The following WAC variants were observed in gnomAD, a reference collection of about 807,000 sequenced individuals.
The protein encoded by WAC is WW domain containing adaptor with coiled-coil, also known as WW domain-containing adapter protein with coiled-coil.
A neutral mutation model predicts 79.6 loss-of-function variants in WAC; 11 were observed. That is an observed-to-expected ratio of 0.14 (90% CI 0.09 to 0.23). The LOEUF (loss-of-function observed/expected upper bound fraction) is 0.23. Among genes scored for constraint, WAC ranks in the 10% least tolerant of loss-of-function variants. The pLI is 1.00. For synonymous variants in WAC, 304 were observed against 276.9 expected, an observed-to-expected ratio of 1.10 and a Z score of -0.97; for missense variants, 728 against 773.5, an observed-to-expected ratio of 0.94 and a Z score of 0.70.
chr10:28,605,699 T>G (rs953301252), intron 7 of WAC, among the ~76,000 whole-genome samples: 1 of 152,192 alleles, frequency 6.6e-6, no homozygotes, highest in Admixed American at 6.5e-5. Context: ...CTTGGCTTGA[T>G]GAGCAACACT....
rs747241040 is a variant in WAC, at chr10:28,583,462, ATTC to A, written c.343_345del (p.Ser115del). 5.0e-6 allele frequency: 8 copies of A among 1,599,340 alleles called. No homozygotes were observed. The highest frequency in any genetic ancestry group is 6.8e-6 in the Non-Finnish European group (8 of 1,174,102). On this transcript the variant is annotated inframe_deletion, in exon 4 of 14. Coordinates refer to ENST00000354911, the MANE Select transcript of WAC (RefSeq NM_016628.5). ...AGTGCTCTTCATAGTTCAAATTCAC[ATTC>A]TTCTAATCCAAGCAATAACCCAAGC... is the stretch of plus-strand genomic sequence containing the variant.
At chr10:28,534,773 T>A (rs1003204493) in intron 2 of WAC, among the ~76,000 whole-genome samples, 7 of 152,344 alleles carry the variant, frequency 4.6e-5, no homozygotes, top group African/African-American at 1.4e-4. Context: ...AGAGCAGGTT[T>A]CTAACCTGAT....
At chr10:28,597,196 G>A (rs1840421622) in intron 7 of WAC, among the ~76,000 whole-genome samples, 2 of 151,952 alleles carry the variant, frequency 1.3e-5, no homozygotes, top group Non-Finnish European at 2.9e-5. Flanking sequence ...GTCAAATTCG[G>A]TAAAGATGGT....
Position 28,566,021 on chromosome 10 carries a change from T to TA in WAC, c.275-17369dup, listed in dbSNP as rs397804500. Among the ~76,000 whole-genome samples the TA allele has an allele frequency of 4.3e-3, 647 of 151,618 alleles. 6 individuals carry two copies. Among genetic ancestry groups the TA allele is most frequent in the African/African-American group, 0.015 (607 of 41,382 alleles). Reference sequence around the variant, plus strand: ...CATACTTATAGTACTGCCATTGTGTTAAAAAAAAATTAGAGTAAAATATAG... The same window carrying TA: ...CATACTTATAGTACTGCCATTGTGTTAAAAAAAAAATTAGAGTAAAATATAG... On this transcript the variant is annotated intron_variant, in intron 3 of 13. Transcript: ENST00000354911.
chr10:28,551,611 T>C (rs926407396), intron 3 of WAC, among the ~76,000 whole-genome samples: 2 of 152,190 alleles, frequency 1.3e-5, no homozygotes, highest in African/African-American at 4.8e-5. Context: ...TTTTATCTTA[T>C]TTACTGTTAT....
In WAC at chr10:28,622,391, CT is replaced by C. The variant is rs1418766606; in HGVS notation, c.*2786del. 60 of 127,746 alleles carry C rather than the reference CT, an allele frequency of 4.7e-4. No homozygotes were observed. The highest frequency in any genetic ancestry group is 1.7e-3 in the African/African-American group (58 of 33,530). 7.9% of individuals were successfully genotyped at this position (127,746 alleles called of 1,614,324 possible). A position where few individuals can be genotyped will look rare whatever the true frequency, so the allele number is the denominator to read the frequency against. ...TTTGAAAATAGAAGTACTGAATAGC[CT>C]CTAGGGAACTTGAGTGGCCTTTCCC... On this transcript the variant is annotated 3_prime_UTR_variant, in exon 14 of 14. Transcript: ENST00000354911.
chr10:28,573,238 A>G (rs1039845827), intron 3 of WAC, among the ~76,000 whole-genome samples: 2 of 152,154 alleles, frequency 1.3e-5, no homozygotes, highest in South Asian at 2.1e-4. Flanking sequence ...TGAAATTCAC[A>G]TAACAATTGT....
chr10:28,568,547 AT>A (rs58275883), intron 3 of WAC, among the ~76,000 whole-genome samples: 101 of 146,950 alleles, frequency 6.9e-4, no homozygotes, highest in Admixed American at 1.0e-3. Flanking sequence ...TGCCAGGCTA[AT>A]TTTTTTTTTT....
chr10:28,538,550 C>G (rs560174435), intron 3 of WAC, among the ~76,000 whole-genome samples: 1 of 146,580 alleles, frequency 6.8e-6, no homozygotes, highest in Non-Finnish European at 1.5e-5. Context: ...CCATTGCACT[C>G]CAGCCTGGGA....
intron 7 of WAC, among the ~76,000 whole-genome samples, chr10:28,597,259 A>G (rs996681023): frequency 2.8e-4 from 42 of 152,184 alleles, no homozygotes; most frequent in African/African-American, 9.9e-4. Context: ...ACATATTTGC[A>G]AAGAGAAATA....
At chr10:28,537,916 T>A (rs2132322840) in intron 3 of WAC, among the ~76,000 whole-genome samples, 1 of 152,356 alleles carries the variant, frequency 6.6e-6, no homozygotes, top group African/African-American at 2.4e-5. Flanking sequence ...AATCACTTGC[T>A]AAGTTAGGCC....
At chr10:28,601,169 C>T (rs1156914231) in intron 7 of WAC, among the ~76,000 whole-genome samples, 4 of 151,968 alleles carry the variant, frequency 2.6e-5, no homozygotes, top group Non-Finnish European at 4.4e-5. Context: ...TTGTAAATCA[C>T]GTATGTTGAT....
At chr10:28,598,921 A>G (rs897429571) in intron 7 of WAC, among the ~76,000 whole-genome samples, 5 of 152,222 alleles carry the variant, frequency 3.3e-5, no homozygotes, top group East Asian at 1.9e-4. Context: ...TATAGGGGAA[A>G]TTGTGCAGTC....
At chr10:28,563,390 T>A (rs1455697157) in intron 3 of WAC, among the ~76,000 whole-genome samples, 1 of 152,192 alleles carries the variant, frequency 6.6e-6, no homozygotes. Flanking sequence ...AGTTCTCTAT[T>A]TTAGGAAATA....
rs1841746750 is a variant in WAC, at chr10:28,623,074, T to C, written c.*3468T>C. The C allele has an allele frequency of 6.6e-6, 1 of 152,200 alleles. No individual in the cohort carries two copies. Among genetic ancestry groups the C allele is most frequent in the Non-Finnish European group, 1.5e-5 (1 of 68,046 alleles). 9.4% of individuals were successfully genotyped at this position (152,200 alleles called of 1,614,324 possible). ...TTAGAATGCATAATTTGCATTTGAG[T>C]AAGGAAATTTAAAATACAGATTACT... On this transcript the variant is annotated 3_prime_UTR_variant, in exon 14 of 14. Transcript: ENST00000354911.
intron 4 of WAC, among the ~76,000 whole-genome samples, chr10:28,583,907 C>T (rs1364805444): frequency 6.6e-6 from 1 of 152,110 alleles, no homozygotes; most frequent in Non-Finnish European, 1.5e-5. Flanking sequence ...ACACACTCTC[C>T]CAGACGCTAG....
chr10:28,593,733 A>ATC (rs1223250354), intron 6 of WAC, among the ~76,000 whole-genome samples: 1 of 150,646 alleles, frequency 6.6e-6, no homozygotes, highest in Non-Finnish European at 1.5e-5. Flanking sequence ...ACTCTCTCAA[A>ATC]AAAAAAAAAA....
intron 3 of WAC, among the ~76,000 whole-genome samples, chr10:28,554,539 C>T (rs780729063): frequency 1.3e-5 from 2 of 152,016 alleles, no homozygotes; most frequent in African/African-American, 2.4e-5. Context: ...CCAATATCCA[C>T]GAATAGCTCG....
intron 3 of WAC, among the ~76,000 whole-genome samples, chr10:28,564,217 ATTGTGCCAC>A (rs1838470938): frequency 6.6e-6 from 1 of 152,204 alleles, no homozygotes; most frequent in South Asian, 2.1e-4. Context: ...ATGAGCCAAG[ATTGTGCCAC>A]TGCACGATAG....
Sources: allele counts gnomAD v4.1 joint callset (sites outside exome capture counted in the v4.1 genomes callset), GRCh38; gene constraint gnomAD v4.1.1; transcripts MANE v1.5; gene names NCBI Gene and HGNC (gene_info 2026-07-23, HGNC 2026-07-21).